The following LCORL variants were observed in gnomAD, a reference collection of about 807,000 sequenced individuals.
LCORL encodes the protein ligand dependent nuclear receptor corepressor like.
Under a neutral mutation model 141.8 loss-of-function variants are expected in LCORL, and 41 were observed. The ratio of observed to expected loss-of-function variants is 0.29; its 90% CI spans 0.23 to 0.38. The LOEUF is 0.38. LCORL is among the 10% of genes least tolerant of loss of function. The pLI, the probability that LCORL is intolerant of heterozygous loss-of-function variation, is 1.00. For missense variants in LCORL, 1,759 were observed against 2,035.0 expected (o/e 0.86, Z 2.61); for synonymous variants, 618 against 694.1 (o/e 0.89, Z 1.72).
intron 4 of LCORL, chr4:17,912,535 A>C: frequency 4.2e-6 from 2 of 477,288 alleles, no homozygotes; most frequent in South Asian, 3.3e-5. Context: ...AGAGCACCAC[A>C]GTCATCACCA....
intron 1 of LCORL, among the ~76,000 whole-genome samples, chr4:18,011,217 T>C (rs562460106): frequency 5.0e-4 from 76 of 152,180 alleles, no homozygotes; most frequent in African/African-American, 1.8e-3. Context: ...TTCTCCTTGT[T>C]TTATTTCTCA....
chr4:17,983,993 T>C lies in LCORL; in HGVS notation c.155-11108A>G, dbSNP rs140785871. ...TTAGCATGAAGGGAAACTGAATACA[T>C]TGAAAGTCTTTTCTGTATCTGCTGA... On this transcript the variant is annotated intron_variant, in intron 1 of 7. Coordinates refer to ENST00000635767, the Ensembl canonical transcript of LCORL. Among the ~76,000 whole-genome samples the C allele has an allele frequency of 2.4e-3, 367 of 152,196 alleles. 2 individuals are homozygous for C. The Middle Eastern group carries it at 0.031, about 13-fold the overall frequency.
At chr4:17,913,960 C>T (rs1732979902) in intron 4 of LCORL, among the ~76,000 whole-genome samples, 1 of 152,148 alleles carries the variant, frequency 6.6e-6, no homozygotes, top group Admixed American at 6.5e-5. Flanking sequence ...TTATTTCTAC[C>T]TTTGAATTCC....
At position 18,021,643 on chromosome 4, in the gene LCORL, G is replaced by A; in HGVS notation, c.109C>T (p.Arg37Trp). ...TGGCGCCAAGAGTCGAGTTCCCGCC[G>A]GAATCCTCTTCTCTCCGCCGCGCAC... Residue 37 changes from arginine to tryptophan, a missense_variant, in exon 1 of 8, where the codon CGG becomes TGG. Arg to Trp is a moderately radical substitution (Grantham distance 101, BLOSUM62 -3). This residue lies in a region of LCORL where 86 missense variants were observed against 61.8 expected (regional missense o/e 1.39). Coordinates refer to ENST00000635767, the Ensembl canonical transcript of LCORL. This position sits in a 1 kb window ranked among gnomAD's most constrained non-coding sequence, Gnocchi z 5.5. 6.5e-7 allele frequency: 1 copy of A among 1,545,762 alleles called. No homozygotes were observed. Among genetic ancestry groups the A allele is most frequent in the Non-Finnish European group, 8.7e-7 (1 of 1,145,078 alleles).
At chr4:17,975,821 G>A (rs552421045) in intron 1 of LCORL, among the ~76,000 whole-genome samples, 16 of 152,226 alleles carry the variant, frequency 1.1e-4, no homozygotes, top group East Asian at 7.7e-4. Flanking sequence ...CATGTAACAC[G>A]GAAAAGAATA....
intron 7 of LCORL, among the ~76,000 whole-genome samples, chr4:17,852,964 A>C (rs1308045039): frequency 6.6e-6 from 1 of 152,070 alleles, no homozygotes; most frequent in East Asian, 1.9e-4. Flanking sequence ...TCTTACAGGA[A>C]TCAAATTTTG....
At chr4:17,978,540 T>C (rs1428909849) in intron 1 of LCORL, among the ~76,000 whole-genome samples, 1 of 148,658 alleles carries the variant, frequency 6.7e-6, no homozygotes, top group Non-Finnish European at 1.5e-5. Flanking sequence ...GAGTCTGAAG[T>C]GAGCTATGAT....
At chr4:17,887,491 G>C (rs1011935093) in intron 5 of LCORL, among the ~76,000 whole-genome samples, 5 of 152,092 alleles carry the variant, frequency 3.3e-5, no homozygotes, top group African/African-American at 1.2e-4. Context: ...TCAGATACAT[G>C]GGAGAACGTT....
chr4:17,940,396 T>C (rs1267841412), intron 4 of LCORL, among the ~76,000 whole-genome samples: 5 of 148,006 alleles, frequency 3.4e-5, no homozygotes, highest in South Asian at 2.1e-4. Flanking sequence ...CATGAATATA[T>C]AGGAAACAAA....
intron 4 of LCORL, among the ~76,000 whole-genome samples, chr4:17,930,219 A>G (rs1419615298): frequency 6.6e-6 from 1 of 152,196 alleles, no homozygotes; most frequent in Non-Finnish European, 1.5e-5. Context: ...ATGTAAATAT[A>G]AGCCAGAGGA....
chr4:17,912,933 CA>C, intron 4 of LCORL: 1 of 469,440 alleles, frequency 2.1e-6, no homozygotes, highest in South Asian at 1.8e-5. Flanking sequence ...TAGTGGATGG[CA>C]AAGTGGTGCC....
intron 5 of LCORL, among the ~76,000 whole-genome samples, chr4:17,904,717 C>A (rs1166487808): frequency 6.6e-6 from 1 of 152,116 alleles, no homozygotes; most frequent in Admixed American, 6.5e-5. Flanking sequence ...TTGGGAGCTT[C>A]TGGGCTTACT....
intron 1 of LCORL, among the ~76,000 whole-genome samples, chr4:18,007,890 C>G (rs1723078418): frequency 6.6e-6 from 1 of 151,904 alleles, no homozygotes; most frequent in Non-Finnish European, 1.5e-5. Context: ...TATGCCAGAA[C>G]ACAAATACTA....
chr4:17,845,612 T>C (rs1722835878), exon 8 of LCORL: 1 of 681,822 alleles, frequency 1.5e-6, no homozygotes, highest in Non-Finnish European at 2.3e-6. Flanking sequence ...TGATTTAATA[T>C]AAAGACAAAT....
intron 4 of LCORL, among the ~76,000 whole-genome samples, chr4:17,946,030 A>T (rs898062922): frequency 6.6e-6 from 1 of 151,946 alleles, no homozygotes; most frequent in Non-Finnish European, 1.5e-5. Context: ...TGAGGAGTTT[A>T]AAAAAACCAA....
At chr4:17,998,459 T>A (rs1265533041) in intron 1 of LCORL, among the ~76,000 whole-genome samples, 3 of 152,134 alleles carry the variant, frequency 2.0e-5, no homozygotes, top group African/African-American at 7.2e-5. Flanking sequence ...CTTTTTAACC[T>A]TTTTTGTTAA....
intron 5 of LCORL, among the ~76,000 whole-genome samples, chr4:17,901,897 C>T (rs1417911213): frequency 6.6e-6 from 1 of 151,642 alleles, no homozygotes; most frequent in Non-Finnish European, 1.5e-5. Flanking sequence ...TGTAAGAACC[C>T]CAAACTAAAT....
intron 1 of LCORL, among the ~76,000 whole-genome samples, chr4:17,997,558 T>C (rs1721106451): frequency 6.6e-6 from 1 of 152,198 alleles, no homozygotes; most frequent in Non-Finnish European, 1.5e-5. Flanking sequence ...TGAGCACTTG[T>C]GGCAAATGAT....
intron 6 of LCORL, among the ~76,000 whole-genome samples, chr4:17,880,091 A>G (rs1042040989): frequency 6.6e-6 from 1 of 151,026 alleles, no homozygotes; most frequent in Non-Finnish European, 1.5e-5. Context: ...TAATAATGGA[A>G]TTTCAAAAAT....
Sources: allele counts gnomAD v4.1 joint callset (sites outside exome capture counted in the v4.1 genomes callset), GRCh38; gene constraint gnomAD v4.1.1; regional missense constraint gnomAD v4.1.1; non-coding constraint Gnocchi (gnomAD v3.1); transcripts MANE v1.5; gene names NCBI Gene and HGNC (gene_info 2026-07-23, HGNC 2026-07-21).